SGO1: variants seen among roughly 807,000 people sequenced by gnomAD.
SGO1 encodes the protein shugoshin 1, also known as serologically defined breast cancer antigen NY-BR-85.
A neutral mutation model predicts 50.5 loss-of-function variants in SGO1; 39 were observed. The observed-to-expected ratio is 0.77, with a 90% CI of 0.60 to 1.01. SGO1 has a LOEUF of 1.01. Ranked by LOEUF, SGO1 falls within the 50% of genes least tolerant of loss-of-function variation. The pLI, the probability that SGO1 is intolerant of heterozygous loss-of-function variation, is 0.00. For synonymous variants in SGO1, 191 were observed against 205.1 expected (o/e 0.93, Z 0.59); for missense variants, 638 against 606.0 (o/e 1.05, Z -0.55).
rs115114756 is a variant in SGO1, at chr3:20,180,822, A to G, written c.340-2475T>C. Among the ~76,000 whole-genome samples the G allele has an allele frequency of 8.1e-3, 1,232 of 152,366 alleles. 15 individuals carry two copies. Among genetic ancestry groups the G allele is most frequent in the African/African-American group, 0.028 (1,148 of 41,582 alleles). ...TTCATTAAAAACAAAACAACTAGAA[A>G]TTTAATCCTGTTAAAAGCTTTAGGC... On this transcript the variant is annotated intron_variant, in intron 3 of 7. Coordinates refer to ENST00000412997, the MANE Select transcript of SGO1 (RefSeq NM_001199251.3).
chr3:20,175,816 C>T (rs888863997), intron 5 of SGO1, among the ~76,000 whole-genome samples: 3 of 150,804 alleles, frequency 2.0e-5, no homozygotes, highest in African/African-American at 7.3e-5. Flanking sequence ...AAAATTATAA[C>T]AGGCTTTTAT....
chr3:20,175,778 C>G lies in SGO1; in HGVS notation c.476-723G>C, dbSNP rs930324264. 1.1e-4 allele frequency among the ~76,000 whole-genome samples: 16 copies of G among 147,328 alleles called. No individual in the cohort carries two copies. The Admixed American group carries it at 1.1e-3, about 10-fold the overall frequency. ...CGCACCACTGCTCTCCAAGCCTGGGCGACAGAGCAAGACTGTCAAAAAAAA... is the reference window on the plus strand; with the variant it reads ...CGCACCACTGCTCTCCAAGCCTGGGGGACAGAGCAAGACTGTCAAAAAAAA... On this transcript the variant is annotated intron_variant, in intron 5 of 7. Transcript: ENST00000412997.
intron 6 of SGO1, among the ~76,000 whole-genome samples, chr3:20,171,869 G>A (rs1397782902): frequency 6.6e-6 from 1 of 152,164 alleles, no homozygotes; most frequent in East Asian, 1.9e-4. Flanking sequence ...AAACATCCAA[G>A]TTATTATACT....
At chr3:20,167,237 A>C (rs562277898), downstream of SGO1, among the ~76,000 whole-genome samples, 3 of 152,172 alleles carry the variant, frequency 2.0e-5, no homozygotes, top group Non-Finnish European at 4.4e-5. Flanking sequence ...GAAAAAATAA[A>C]ATTAGATCCC....
At chr3:20,177,116 ATGT>A (rs1194591406) in intron 4 of SGO1, 3 of 152,682 alleles carry the variant, frequency 2.0e-5, no homozygotes, top group East Asian at 1.9e-4. Flanking sequence ...TTCTTTACAA[ATGT>A]TGTTCTTTGG....
chr3:20,164,667 CA>C (rs59122254), downstream of SGO1, among the ~76,000 whole-genome samples: 19 of 150,758 alleles, frequency 1.3e-4, 1 homozygote, highest in East Asian at 2.9e-3. Flanking sequence ...AGATCATATA[CA>C]AAAAAAAATC....
In SGO1 at chr3:20,170,450, T is replaced by A. The variant is rs971647318; in HGVS notation, c.*254A>T. The A allele has an allele frequency of 1.4e-4, 147 of 1,044,198 alleles. No individual in the cohort carries two copies. The highest frequency in any genetic ancestry group is 1.7e-4 in the Non-Finnish European group (146 of 868,612). 64.7% of individuals were successfully genotyped at this position (1,044,198 alleles called of 1,614,324 possible). On this transcript the variant is annotated 3_prime_UTR_variant, in exon 8 of 8. Coordinates refer to ENST00000412997, the MANE Select transcript of SGO1 (RefSeq NM_001199251.3). ...CTAAAATTAAGAGGTTTAGGCAGCA[T>A]AAGAAATCGATATGATGATAATGCT...
At chr3:20,185,214 GT>G (rs1702496370) in intron 1 of SGO1, among the ~76,000 whole-genome samples, 1 of 152,178 alleles carries the variant, frequency 6.6e-6, no homozygotes, top group African/African-American at 2.4e-5. Context: ...TAAAGGGGTT[GT>G]TTTACACAAT....
At chr3:20,167,768 CCTAA>C (rs1700378567), downstream of SGO1, among the ~76,000 whole-genome samples, 1 of 152,140 alleles carries the variant, frequency 6.6e-6, no homozygotes, top group Non-Finnish European at 1.5e-5. Context: ...GAAGCAATTT[CCTAA>C]CTAATAGTAA....
Position 20,178,284 on chromosome 3 carries a change from C to A in SGO1, c.403G>T (p.Val135Leu), listed in dbSNP as rs778699370. ...TTTGATACTAACGGTAAATCCTTCA[C>A]AAATAAATTTCTGGAGCTGTCATCA... ...NSDDSSRNLF[V>L]KDLPQIPLEE... is the part of the protein sequence containing the mutation. The change falls in exon 4 of 8, where the codon GTG becomes TTG. Residue 135 changes from valine to leucine, a missense_variant. Coordinates refer to ENST00000412997, the MANE Select transcript of SGO1 (RefSeq NM_001199251.3). 1.2e-6 allele frequency: 2 copies of A among 1,610,554 alleles called. No homozygotes were observed.
intron 8 of SGO1, among the ~76,000 whole-genome samples, chr3:20,162,384 G>A (rs1328950819): frequency 6.6e-6 from 1 of 152,080 alleles, no homozygotes; most frequent in Non-Finnish European, 1.5e-5. Flanking sequence ...TTCGTACTGG[G>A]GGTAAACGAG....
Position 20,169,992 on chromosome 3 carries a change from T to C in SGO1, c.*712A>G. On this transcript the variant is annotated 3_prime_UTR_variant, in exon 8 of 8. Coordinates refer to ENST00000412997, the MANE Select transcript of SGO1 (RefSeq NM_001199251.3). ...TGTACTAAAGAGTTTCAAAAGATCC[T>C]CTTAGAAAATCATTCACTTTAGTAT... 2 of 984,848 alleles carry C rather than the reference T, an allele frequency of 2.0e-6. No individual in the cohort carries two copies. The highest frequency in any genetic ancestry group is 4.7e-5 in the South Asian group (1 of 21,282). 61.0% of individuals were successfully genotyped at this position (984,848 alleles called of 1,614,324 possible).
Position 20,175,050 on chromosome 3 carries a change from T to C in SGO1, c.481A>G (p.Ile161Val). 1.4e-6 allele frequency: 2 copies of C among 1,480,888 alleles called. No homozygotes were observed. Among genetic ancestry groups the C allele is most frequent in the Non-Finnish European group, 1.8e-6 (2 of 1,112,688 alleles). 91.7% of individuals were successfully genotyped at this position (1,480,888 alleles called of 1,614,324 possible). Reference sequence around the variant, plus strand: ...AGTGTGTCTTGAGGAATAGTAGGTATCTGATCTGAGAATTTAAAAAATAAA... The same window carrying C: ...AGTGTGTCTTGAGGAATAGTAGGTACCTGATCTGAGAATTTAAAAAATAAA... Reference protein sequence around the residue: ...QGESFQIEDQIPTIPQDTLGV... With the variant: ...QGESFQIEDQVPTIPQDTLGV... Residue 161 changes from isoleucine (I) to valine (V), a missense_variant, in exon 6 of 8, where the codon ATA becomes GTA. By Grantham distance (29) the Ile-to-Val change is conservative. Transcript: ENST00000412997.
chr3:20,170,402 A>C lies in SGO1; in HGVS notation c.*302T>G. On this transcript the variant is annotated 3_prime_UTR_variant, in exon 8 of 8. Transcript: ENST00000412997. ...AACAAGAATGAAATTCCGCCTCCAA[A>C]AAAAAAAAAAGATATATTTCGACTA... 4.2e-6 allele frequency: 4 copies of C among 952,070 alleles called. No homozygotes were observed. The highest frequency in any genetic ancestry group is 3.8e-6 in the Non-Finnish European group (3 of 798,478). 59.0% of individuals were successfully genotyped at this position (952,070 alleles called of 1,614,324 possible).
chr3:20,177,875 T>C (rs1370820843), intron 4 of SGO1, among the ~76,000 whole-genome samples: 3 of 148,336 alleles, frequency 2.0e-5, no homozygotes, highest in Non-Finnish European at 4.4e-5. Flanking sequence ...TTAAATATGA[T>C]ATTTTATTTA....
intron 4 of SGO1, 69 bp downstream of exon 4, chr3:20,178,202 T>A (rs6550401): frequency 9.0e-7 from 1 of 1,113,228 alleles, no homozygotes. Context: ...CACATTTCCT[T>A]TCATAAATGA....
At chr3:20,171,295 T>A in intron 6 of SGO1, 63 bp from the exon 7 acceptor site, 1 of 1,342,638 alleles carries the variant, frequency 7.4e-7, no homozygotes, top group Non-Finnish European at 1.0e-6. Flanking sequence ...ACTTAAATTG[T>A]ACTCAATTGT....
chr3:20,168,707 A>G (rs1390570798), downstream of SGO1, among the ~76,000 whole-genome samples: 2 of 149,026 alleles, frequency 1.3e-5, no homozygotes, highest in Non-Finnish European at 3.0e-5. Flanking sequence ...CAGTGGCACC[A>G]TCTCGGCTCA....
downstream of SGO1, among the ~76,000 whole-genome samples, chr3:20,165,531 A>G (rs6793304): frequency 0.71 from 108,607 of 152,092 alleles, 40,393 homozygotes; most frequent in East Asian, 0.96. Context: ...ATTAGAGAAC[A>G]TGTAAGACTT....
Sources: gnomAD v4.1 joint callset for allele counts (sites outside exome capture counted in the v4.1 genomes callset) on GRCh38, gnomAD v4.1.1 for gene constraint, MANE v1.5 for transcripts, NCBI Gene and HGNC (gene_info 2026-07-23, HGNC 2026-07-21) for gene names.